PLEKHA6: variants seen among roughly 807,000 people sequenced by gnomAD.
PLEKHA6 encodes pleckstrin homology domain-containing family A member 6.
Under a neutral mutation model 116.7 loss-of-function variants are expected in PLEKHA6, and 60 were observed. The ratio of observed to expected loss-of-function variants is 0.51; its 90% confidence interval spans 0.42 to 0.64. PLEKHA6 has a LOEUF of 0.64. Among genes scored for constraint, PLEKHA6 ranks in the 30% least tolerant of loss-of-function variants. The probability of loss-of-function intolerance (pLI) is 0.00; values close to 1 mark genes in which losing one functional copy is unlikely to be tolerated. For synonymous variants in PLEKHA6, 489 were observed against 556.1 expected (o/e 0.88, Z 1.70); for missense variants, 1,338 against 1,422.7 (o/e 0.94, Z 0.96).
At chr1:204,283,406 C>T (rs933438236) in intron 1 of PLEKHA6, among the ~76,000 whole-genome samples, 4 of 152,214 alleles carry the variant, frequency 2.6e-5, no homozygotes, top group African/African-American at 4.8e-5. Context: ...ACAAATCTCC[C>T]ACTGGACCAG....
At chr1:204,312,712 C>T (rs1295110150) in intron 1 of PLEKHA6, among the ~76,000 whole-genome samples, 1 of 152,170 alleles carries the variant, frequency 6.6e-6, no homozygotes, top group African/African-American at 2.4e-5. Flanking sequence ...CTAGAGTGTG[C>T]TGGGGACAGG....
At chr1:204,354,235 G>A (rs10494855) in intron 1 of PLEKHA6, among the ~76,000 whole-genome samples, 18,219 of 152,118 alleles carry the variant, frequency 0.12, 2,717 homozygotes, top group African/African-American at 0.35. Context: ...CGACTAACCC[G>A]AGGAAGACAT....
chr1:204,243,252 C>A, intron 15 of PLEKHA6: 1 of 399,706 alleles, frequency 2.5e-6, no homozygotes, highest in Non-Finnish European at 4.4e-6. Context: ...GAGGCCGAGG[C>A]GGGCCAGGTT....
upstream of PLEKHA6, among the ~76,000 whole-genome samples, chr1:204,360,752 T>A (rs1673541279): frequency 1.3e-5 from 2 of 151,912 alleles, no homozygotes; most frequent in Non-Finnish European, 2.9e-5. Flanking sequence ...CCTGCCCAAA[T>A]CGGTCTTGAT....
chr1:204,247,929 G>A (rs546252401), intron 12 of PLEKHA6, among the ~76,000 whole-genome samples: 1 of 146,788 alleles, frequency 6.8e-6, no homozygotes, highest in East Asian at 2.0e-4. Flanking sequence ...CTCCAGCCTG[G>A]GTGACACAGT....
intron 1 of PLEKHA6, chr1:204,275,619 G>A (rs4951058): frequency 0.66 from 519,760 of 789,792 alleles, 171,941 homozygotes; most frequent in East Asian, 0.83. Flanking sequence ...TGGCTCCTCC[G>A]GCTGGCTGAG....
Position 204,316,085 on chromosome 1 carries a change from T to C in PLEKHA6, c.-94-41276A>G, listed in dbSNP as rs182584404. Among the ~76,000 whole-genome samples the C allele has an allele frequency of 1.3e-3, 195 of 152,310 alleles. 2 individuals carry two copies. The highest frequency in any genetic ancestry group is 2.3e-3 in the Non-Finnish European group (156 of 68,022). On this transcript the variant is annotated intron_variant, in intron 1 of 22. Transcript: ENST00000272203. Reference sequence around the variant, plus strand: ...CCAGACTGTGGAGTCCCACGATGCATGTAATGCAATGCGCGAGGTGGCTCC... The same window carrying C: ...CCAGACTGTGGAGTCCCACGATGCACGTAATGCAATGCGCGAGGTGGCTCC...
rs1191054052 is a variant in PLEKHA6, at chr1:204,250,597, T to G, written c.1542A>C (p.Glu514Asp). 2 of 1,612,830 alleles carry G rather than the reference T, an allele frequency of 1.2e-6. No homozygotes were observed. Among genetic ancestry groups the G allele is most frequent in the African/African-American group, 2.7e-5 (2 of 75,014 alleles). Residue 514 changes from glutamate to aspartate, a missense_variant, in exon 10 of 23, where the codon GAA becomes GAC. Physicochemically the swap from Glu to Asp is conservative, Grantham distance 45. This residue lies in a region of PLEKHA6 where 1,136 missense variants were observed against 1,163.6 expected (regional missense o/e 0.98). Coordinates refer to ENST00000272203, the MANE Select transcript of PLEKHA6 (RefSeq NM_014935.5). ...ISSPKVPPYPEVFRDSLHTYK... is the reference protein window; with the variant it reads ...ISSPKVPPYPDVFRDSLHTYK... ...AGGTGTGGAGGCTGTCCCGGAACAC[T>G]TCTGGGTATGGAGGGACCTGCAGGA... is the stretch of plus-strand genomic sequence containing the variant.
At chr1:204,363,582 T>C (rs554443689), upstream of PLEKHA6, among the ~76,000 whole-genome samples, 6 of 152,200 alleles carry the variant, frequency 3.9e-5, no homozygotes, top group African/African-American at 1.4e-4. Flanking sequence ...CTGGCCAGTT[T>C]CACCGGCGGC....
In PLEKHA6 at chr1:204,261,826, C is replaced by A; in HGVS notation, c.382-378G>T. 2 of 365,748 alleles carry A rather than the reference C, an allele frequency of 5.5e-6. No homozygotes were observed. Among genetic ancestry groups the A allele is most frequent in the Non-Finnish European group, 9.8e-6 (2 of 204,260 alleles). The allele number at this position is 365,748 out of a possible 1,614,324, so 22.7% of individuals were successfully genotyped here. ...ACCCCATGTCTGGGAGAGAGGACCCCCTGAGCACATGCCAATCTTAGCCCC... is the reference window on the plus strand; with the variant it reads ...ACCCCATGTCTGGGAGAGAGGACCCACTGAGCACATGCCAATCTTAGCCCC... On this transcript the variant is annotated intron_variant, in intron 6 of 22. Transcript: ENST00000272203. This position sits in a 1 kb window ranked among gnomAD's most constrained non-coding sequence, Gnocchi z 4.0.
chr1:204,299,586 G>A (rs1417962479), intron 1 of PLEKHA6: 3 of 973,218 alleles, frequency 3.1e-6, no homozygotes, highest in Non-Finnish European at 3.7e-6. Flanking sequence ...CCAGAGGACA[G>A]CCATTATTGA....
intron 1 of PLEKHA6, among the ~76,000 whole-genome samples, chr1:204,373,146 C>T (rs1051120488): frequency 7.1e-6 from 1 of 141,172 alleles, no homozygotes. Context: ...CTGGAGTGTG[C>T]AGTGGCACGA....
In PLEKHA6 at chr1:204,241,811, TG is replaced by T; in HGVS notation, c.2175del (p.Lys726ArgfsTer32). The T allele has an allele frequency of 6.2e-7, 1 of 1,614,134 alleles. No individual in the cohort carries two copies. Among genetic ancestry groups the T allele is most frequent in the Non-Finnish European group, 8.5e-7 (1 of 1,180,018 alleles). On this transcript the variant is annotated frameshift_variant and splice_region_variant, in exon 16 of 23. Transcript: ENST00000272203. LOFTEE classifies it high-confidence loss of function. The stretch of plus-strand genomic sequence containing the variant: ...TTCTTGCTTTGTTCATAGTTTGCCT[TG>T]GGCTGGGGAGAAAGGGTGAGAAGAT... ...GSPTKPGSNE[P>X]KANYEQSKKD...
chr1:204,297,658 G>A (rs1372142275), intron 1 of PLEKHA6, among the ~76,000 whole-genome samples: 1 of 152,076 alleles, frequency 6.6e-6, no homozygotes, highest in Non-Finnish European at 1.5e-5. Flanking sequence ...TTTATTGTGA[G>A]GATTAAGTGA....
At position 204,344,278 on chromosome 1, in the gene PLEKHA6, G is replaced by T. The variant is rs115258572; in HGVS notation, c.-95+15416C>A. Among the ~76,000 whole-genome samples the T allele has an allele frequency of 3.5e-3, 539 of 152,200 alleles. 2 individuals carry two copies. Among genetic ancestry groups the T allele is most frequent in the Non-Finnish European group, 6.0e-3 (405 of 68,014 alleles). ...GGGAGTGATAAACTCCTCTAAGCCG[G>T]CTGAAAATAGCCCGCTCCTTCTCAA... is the stretch of plus-strand genomic sequence containing the variant. On this transcript the variant is annotated intron_variant, in intron 1 of 22. Coordinates refer to ENST00000272203, the MANE Select transcript of PLEKHA6 (RefSeq NM_014935.5).
chr1:204,303,166 G>A (rs1670984063), intron 1 of PLEKHA6, among the ~76,000 whole-genome samples: 1 of 152,160 alleles, frequency 6.6e-6, no homozygotes, highest in South Asian at 2.1e-4. Flanking sequence ...TCTAGAAACT[G>A]TCTGGAAAAG....
rs779509404 is a variant in PLEKHA6 at position 204,257,503 on chromosome 1, G to A, written c.1374C>T (p.Arg458=). 2.2e-5 allele frequency: 35 copies of A among 1,585,578 alleles called. No individual in the cohort carries two copies. The highest frequency in any genetic ancestry group is 3.6e-5 in the Admixed American group (2 of 56,068). ...SLQPRSHSVP[R]SPSQGSYSRA... ...GGCTGTAGGAGCCCTGGCTGGGTGA[G>A]CGGGGCACAGAGTGGGAGCGGGGCT... The change falls in exon 9 of 23, where the codon CGC becomes CGT. Residue 458 remains arginine (R), a synonymous_variant. Transcript: ENST00000272203. The surrounding 1 kb of genome is among the most constrained non-coding windows in gnomAD (Gnocchi z 6.5).
At position 204,228,215 on chromosome 1, in the gene PLEKHA6, C is replaced by T. The variant is rs1660648481; in HGVS notation, c.2899G>A (p.Val967Met). 2 of 1,606,292 alleles carry T rather than the reference C, an allele frequency of 1.2e-6. No homozygotes were observed. The highest frequency in any genetic ancestry group is 1.7e-6 in the Non-Finnish European group (2 of 1,175,200). Residue 967 changes from valine to methionine, a missense_variant, in exon 21 of 23, where the codon GTG becomes ATG. By Grantham distance (21) the Val-to-Met change is conservative. Transcript: ENST00000272203. This position sits in a 1 kb window ranked among gnomAD's most constrained non-coding sequence, Gnocchi z 4.0. Reference sequence around the variant, plus strand: ...ACAGAGTCCCCCTCGCCGATGGGCACCACGTTCTGCATACTGAAGAGGCAC... The same window carrying T: ...ACAGAGTCCCCCTCGCCGATGGGCATCACGTTCTGCATACTGAAGAGGCAC... ...LIAKSSMQNV[V>M]PIGEGDSVDV... is the part of the protein sequence containing the mutation.
intron 1 of PLEKHA6, among the ~76,000 whole-genome samples, chr1:204,377,230 T>C (rs1370810216): frequency 6.6e-6 from 1 of 152,156 alleles, no homozygotes; most frequent in Non-Finnish European, 1.5e-5. Flanking sequence ...ATGAAAGACC[T>C]ACCTCTGGCC....
Sources: allele counts gnomAD v4.1 joint callset (sites outside exome capture counted in the v4.1 genomes callset), GRCh38; gene constraint gnomAD v4.1.1; regional missense constraint gnomAD v4.1.1; non-coding constraint Gnocchi (gnomAD v3.1); transcripts MANE v1.5; gene names NCBI Gene and HGNC (gene_info 2026-07-23, HGNC 2026-07-21).